CLTC: variants seen among roughly 807,000 people sequenced by gnomAD.
The protein encoded by CLTC is clathrin heavy chain 1.
CLTC carries 16 observed loss-of-function variants against 195.8 expected under a neutral mutation model. That is an observed-to-expected ratio of 0.08 (90% confidence interval 0.06 to 0.12). CLTC has a LOEUF of 0.12. Ranked by LOEUF, CLTC falls within the 10% of genes least tolerant of loss-of-function variation. CLTC has a pLI of 1.00. For missense variants in CLTC, 796 were observed against 2,027.0 expected (o/e 0.39, Z 11.66); for synonymous variants, 667 against 689.4 (o/e 0.97, Z 0.51).
At chr17:59,657,123 T>C (rs2032489916) in intron 6 of CLTC, among the ~76,000 whole-genome samples, 1 of 152,196 alleles carries the variant, frequency 6.6e-6, no homozygotes, top group Admixed American at 6.5e-5. Context: ...AGGAAGTAGA[T>C]AGATTTTGTT....
intron 2 of CLTC, among the ~76,000 whole-genome samples, chr17:59,645,034 G>A (rs2032153745): frequency 6.6e-6 from 1 of 152,168 alleles, no homozygotes; most frequent in South Asian, 2.1e-4. Context: ...ATAATTTTAA[G>A]TTTTAGAATA....
At chr17:59,631,838 C>T (rs1224388468) in intron 1 of CLTC, among the ~76,000 whole-genome samples, 1 of 152,048 alleles carries the variant, frequency 6.6e-6, no homozygotes, top group African/African-American at 2.4e-5. Context: ...GGTGTGGTGG[C>T]ATGCGCCTGT....
intron 30 of CLTC, among the ~76,000 whole-genome samples, chr17:59,686,341 C>T (rs997252303): frequency 1.3e-5 from 2 of 150,446 alleles, no homozygotes; most frequent in Non-Finnish European, 1.5e-5. Context: ...TTATAACATT[C>T]ACTATTCGTC....
intron 1 of CLTC, among the ~76,000 whole-genome samples, chr17:59,625,640 C>T (rs2031527444): frequency 6.6e-6 from 1 of 152,026 alleles, no homozygotes; most frequent in Non-Finnish European, 1.5e-5. Context: ...AGAGTTAAGA[C>T]CTCGTCTCTA....
intron 2 of CLTC, chr17:59,645,954 CT>C (rs1049081627): frequency 1.3e-5 from 8 of 636,734 alleles, no homozygotes; most frequent in Non-Finnish European, 1.6e-5. Context: ...TGCCAAAATT[CT>C]TTTCTATTTT....
chr17:59,673,308 A>G (rs2032895044), intron 14 of CLTC, among the ~76,000 whole-genome samples: 1 of 152,216 alleles, frequency 6.6e-6, no homozygotes, highest in African/African-American at 2.4e-5. Flanking sequence ...TTGATTTTAA[A>G]TACGGTAGAA....
In CLTC at chr17:59,648,188, A is replaced by G; in HGVS notation, c.520-52A>G. Reference sequence around the variant, plus strand: ...ATTATTTCATTACTTGATGAATCTGAGAGTTTTTGATTTATGGGTCTTCAA... The same window carrying G: ...ATTATTTCATTACTTGATGAATCTGGGAGTTTTTGATTTATGGGTCTTCAA... On this transcript the variant is annotated intron_variant, in intron 3 of 31. Transcript: ENST00000269122. This position sits in a 1 kb window ranked among gnomAD's most constrained non-coding sequence, Gnocchi z 4.5. 1.3e-6 allele frequency: 2 copies of G among 1,496,190 alleles called. No individual in the cohort carries two copies. The highest frequency in any genetic ancestry group is 1.8e-6 in the Non-Finnish European group (2 of 1,099,538). 92.7% of individuals were successfully genotyped at this position (1,496,190 alleles called of 1,614,324 possible).
At chr17:59,625,291 A>AT (rs1567923312) in intron 1 of CLTC, among the ~76,000 whole-genome samples, 1 of 149,850 alleles carries the variant, frequency 6.7e-6, no homozygotes, top group African/African-American at 2.5e-5. Context: ...TTTTATTTTT[A>AT]TTTTTTGGTA....
chr17:59,683,178 A>G lies in CLTC; in HGVS notation c.3957A>G (p.Glu1319=). ...GAGCTCACATGGGAATGTTTACTGAATTAGCTATTCTATACTCTAAATTTA... is the reference window on the plus strand; with the variant it reads ...GAGCTCACATGGGAATGTTTACTGAGTTAGCTATTCTATACTCTAAATTTA... ...LERAHMGMFT[E]LAILYSKFKP... Residue 1319 remains glutamate, a synonymous_variant, in exon 25 of 32, where the codon GAA becomes GAG. Coordinates refer to ENST00000269122, the MANE Select transcript of CLTC (RefSeq NM_004859.4). The surrounding 1 kb of genome is among the most constrained non-coding windows in gnomAD (Gnocchi z 6.1). The G allele has an allele frequency of 6.2e-7, 1 of 1,614,156 alleles. No homozygotes were observed. Among genetic ancestry groups the G allele is most frequent in the Admixed American group, 1.7e-5 (1 of 60,030 alleles).
Position 59,674,904 on chromosome 17 carries a change from A to AT in CLTC, c.2561+62dup, listed in dbSNP as rs2032931566. The AT allele has an allele frequency of 9.4e-6, 14 of 1,487,556 alleles. No individual in the cohort carries two copies. In the South Asian group the frequency reaches 1.6e-4, roughly 17 times the overall value. The allele number at this position is 1,487,556 out of a possible 1,614,324, so 92.1% of individuals were successfully genotyped here. The stretch of plus-strand genomic sequence containing the variant: ...TCTTAACATGGCAATAGATAAAAAT[A>AT]TAGGTAGTCATTTGTTCCAAAGCTA... On this transcript the variant is annotated intron_variant, in intron 16 of 31. Coordinates refer to ENST00000269122, the MANE Select transcript of CLTC (RefSeq NM_004859.4).
chr17:59,653,132 G>A (rs2032368990), intron 5 of CLTC, among the ~76,000 whole-genome samples: 1 of 152,082 alleles, frequency 6.6e-6, no homozygotes, highest in East Asian at 1.9e-4. Context: ...TGGCTTAAGA[G>A]AATGTTGTAG....
intron 1 of CLTC, among the ~76,000 whole-genome samples, chr17:59,628,452 C>A (rs1000455765): frequency 6.6e-6 from 1 of 152,120 alleles, no homozygotes; most frequent in Non-Finnish European, 1.5e-5. Flanking sequence ...TTCCCTTTGT[C>A]CACTTGAGTT....
At position 59,620,094 on chromosome 17, in the gene CLTC, C is replaced by T; in HGVS notation, c.-38C>T. 13 of 1,611,768 alleles carry T rather than the reference C, an allele frequency of 8.1e-6. No homozygotes were observed. Among genetic ancestry groups the T allele is most frequent in the Non-Finnish European group, 1.1e-5 (13 of 1,177,922 alleles). On this transcript the variant is annotated 5_prime_UTR_variant, in exon 1 of 32. Coordinates refer to ENST00000269122, the MANE Select transcript of CLTC (RefSeq NM_004859.4). The stretch of plus-strand genomic sequence containing the variant: ...GCCCGGGCAGCCACTGCCCCGCAGC[C>T]CCAGTGACAGGAGGAGACCATAACC...
chr17:59,680,857 G>T (rs542868319), intron 18 of CLTC, 55 bp from the exon 19 acceptor site: 7 of 1,443,980 alleles, frequency 4.8e-6, no homozygotes, highest in Non-Finnish European at 5.6e-6. Context: ...GCCAACTTAC[G>T]CTTTTTTAAA....
chr17:59,639,785 T>C (rs1025343310), intron 1 of CLTC, among the ~76,000 whole-genome samples: 1 of 139,114 alleles, frequency 7.2e-6, no homozygotes, highest in Non-Finnish European at 1.5e-5. Flanking sequence ...CTGGGTAACA[T>C]AGGGAGAACC....
chr17:59,680,841 T>C (rs1003231146), intron 18 of CLTC, 71 bp from the exon 19 acceptor site: 4 of 1,309,740 alleles, frequency 3.1e-6, no homozygotes, highest in Non-Finnish European at 4.1e-6. Context: ...AGTTTTCTAA[T>C]GAGAGGCCAA....
chr17:59,647,885 A>T (rs892704465), intron 3 of CLTC, among the ~76,000 whole-genome samples: 3 of 151,968 alleles, frequency 2.0e-5, no homozygotes, highest in Non-Finnish European at 2.9e-5. Flanking sequence ...ATAATTTCAG[A>T]ATGCTCTTAC....
intron 31 of CLTC, among the ~76,000 whole-genome samples, chr17:59,691,431 T>C (rs2033295036): frequency 6.6e-6 from 1 of 151,948 alleles, no homozygotes; most frequent in South Asian, 2.1e-4. Flanking sequence ...GAGACCATCC[T>C]GGCTAACACA....
In CLTC at chr17:59,694,874, G is replaced by A. The variant is rs888935729; in HGVS notation, c.*1022G>A. 2.7e-5 allele frequency: 6 copies of A among 225,670 alleles called. No homozygotes were observed. Among genetic ancestry groups the A allele is most frequent in the Non-Finnish European group, 5.3e-5 (6 of 113,250 alleles). 14.0% of individuals were successfully genotyped at this position (225,670 alleles called of 1,614,324 possible). On this transcript the variant is annotated 3_prime_UTR_variant, in exon 32 of 32. Transcript: ENST00000269122. ...CATTAGGGAGGCATGAAAGGAAGAG[G>A]AATGAGGATTGAGACATGTGAAGAC... is the stretch of plus-strand genomic sequence containing the variant.
Sources: gnomAD v4.1 joint callset for allele counts (sites outside exome capture counted in the v4.1 genomes callset) on GRCh38, gnomAD v4.1.1 for gene constraint, Gnocchi (gnomAD v3.1) non-coding constraint, MANE v1.5 for transcripts, NCBI Gene and HGNC (gene_info 2026-07-23, HGNC 2026-07-21) for gene names.